The following CREBBP variants were observed in gnomAD, a reference collection of about 807,000 sequenced individuals.
The protein encoded by CREBBP is CREB binding lysine acetyltransferase, also known as CREB-binding protein.
Under a neutral mutation model 265.0 loss-of-function variants are expected in CREBBP, and 19 were observed. That is an observed-to-expected ratio of 0.07 (90% CI 0.05 to 0.11). CREBBP has a LOEUF of 0.11. CREBBP is among the 10% of genes least tolerant of loss of function. The pLI is 1.00. For missense variants in CREBBP, 2,525 were observed against 3,219.0 expected, an observed-to-expected ratio of 0.78 and a Z score of 5.22; for synonymous variants, 1,457 against 1,223.7, an observed-to-expected ratio of 1.19 and a Z score of -3.98.
chr16:3,855,046 C>G (rs188591394), intron 1 of CREBBP, among the ~76,000 whole-genome samples: 106 of 152,302 alleles, frequency 7.0e-4, no homozygotes, highest in African/African-American at 2.4e-3. Context: ...TGATACAATA[C>G]TGAATATACT....
chr16:3,773,644 G>T, intron 13 of CREBBP, 107 bp downstream of exon 13: 1 of 1,168,114 alleles, frequency 8.6e-7, no homozygotes, highest in Non-Finnish European at 1.2e-6. Flanking sequence ...CATGAAATGT[G>T]CATTCTGGAA....
At chr16:3,871,287 C>T (rs73503938) in intron 1 of CREBBP, among the ~76,000 whole-genome samples, 13,130 of 151,900 alleles carry the variant, frequency 0.086, 1,634 homozygotes, top group African/African-American at 0.28. Flanking sequence ...ACAGCGCTGC[C>T]GAGCTGGGAG....
At chr16:3,840,322 G>T (rs576323989) in intron 2 of CREBBP, among the ~76,000 whole-genome samples, 1 of 152,290 alleles carries the variant, frequency 6.6e-6, no homozygotes, top group African/African-American at 2.4e-5. Context: ...GGGCAGCCAA[G>T]ACGGCAGTCG....
At chr16:3,849,440 T>TGGG (rs1567360432) in intron 2 of CREBBP, among the ~76,000 whole-genome samples, 1 of 14,866 alleles carries the variant, frequency 6.7e-5, no homozygotes, top group Non-Finnish European at 3.6e-4. Context: ...TGTGTGTGTG[T>TGGG]GTGTGTGTGT....
Position 3,763,213 on chromosome 16 carries a change from G to A in CREBBP, c.3251-4241C>T, listed in dbSNP as rs944408546. Reference sequence around the variant, plus strand: ...ACGAGGTCTTCTGGAGTGCAGTAGCGTAATCACAGCCCACTGCATGCAAAC... The same window carrying A: ...ACGAGGTCTTCTGGAGTGCAGTAGCATAATCACAGCCCACTGCATGCAAAC... On this transcript the variant is annotated intron_variant, in intron 16 of 30. Coordinates refer to ENST00000262367, the MANE Select transcript of CREBBP (RefSeq NM_004380.3). Among the ~76,000 whole-genome samples the A allele has an allele frequency of 4.0e-5, 6 of 150,536 alleles. No individual in the cohort carries two copies. In the South Asian group the frequency reaches 8.4e-4, roughly 21 times the overall value.
At chr16:3,745,453 T>C in intron 21 of CREBBP, 99 bp from the exon 22 acceptor site, 1 of 1,053,608 alleles carries the variant, frequency 9.5e-7, no homozygotes, top group Non-Finnish European at 1.4e-6. Context: ...GTTCTCTGGG[T>C]TACTTTGAGT....
chr16:3,836,159 G>A (rs1285122961), intron 2 of CREBBP, among the ~76,000 whole-genome samples: 3 of 151,934 alleles, frequency 2.0e-5, no homozygotes, highest in African/African-American at 7.2e-5. Flanking sequence ...TTAGCAGCTG[G>A]GCGCGGTGGC....
chr16:3,736,546 A>T (rs866344231), intron 27 of CREBBP, 104 bp downstream of exon 27: 1 of 1,491,858 alleles, frequency 6.7e-7, no homozygotes, highest in Non-Finnish European at 9.3e-7. Context: ...TCTAATCCTC[A>T]TAAGTGAAGG....
intron 1 of CREBBP, among the ~76,000 whole-genome samples, chr16:3,853,961 AACAC>A (rs371504662): frequency 2.6e-4 from 38 of 145,226 alleles, no homozygotes; most frequent in African/African-American, 4.0e-4. Context: ...CAAACAAACA[AACAC>A]ACACACACAC....
At chr16:3,803,811 TG>T (rs985770267) in intron 3 of CREBBP, among the ~76,000 whole-genome samples, 81 of 152,008 alleles carry the variant, frequency 5.3e-4, no homozygotes, top group African/African-American at 1.8e-3. Flanking sequence ...CCGGGAGAGG[TG>T]GCTCACACCT....
intron 16 of CREBBP, 82 bp from the exon 17 acceptor site, chr16:3,759,054 C>A: frequency 9.1e-7 from 1 of 1,102,210 alleles, no homozygotes. Flanking sequence ...GGAATCCTGG[C>A]TGCTGTGACA....
chr16:3,848,107 T>C (rs534644233), intron 2 of CREBBP, among the ~76,000 whole-genome samples: 4 of 151,436 alleles, frequency 2.6e-5, no homozygotes, highest in Non-Finnish European at 4.4e-5. Flanking sequence ...GAGGCGGAGG[T>C]TGCAGTGAGC....
At position 3,836,441 on chromosome 16, in the gene CREBBP, AAAAAAAAAG is replaced by A. The variant is rs1367238098; in HGVS notation, c.798+13847_798+13855del. Among the ~76,000 whole-genome samples the A allele has an allele frequency of 1.5e-3, 229 of 151,534 alleles. No homozygotes were observed. In the Middle Eastern group the frequency reaches 0.041, roughly 27 times the overall value. ...AGAGCGAGACTGTGTCTCAAAAAAAAAAAAAAAAGAAAAAAAAGAAAAAAAAGAAATTAG... is the reference window on the plus strand; with the variant it reads ...AGAGCGAGACTGTGTCTCAAAAAAAAAAAAAAAAGAAAAAAAAGAAATTAG... On this transcript the variant is annotated intron_variant, in intron 2 of 30. Transcript: ENST00000262367.
rs2054760154 is a variant in CREBBP at position 3,849,438 on chromosome 16, T to TGTGTGTGTG, written c.798+850_798+858dup. 2.0e-3 allele frequency among the ~76,000 whole-genome samples: 25 copies of TGTGTGTGTG among 12,794 alleles called. 2 individuals are homozygous for TGTGTGTGTG. Among genetic ancestry groups the TGTGTGTGTG allele is most frequent in the Non-Finnish European group, 6.5e-3 (13 of 1,990 alleles). The allele number at this position is 12,794 out of a possible 152,430, so 8.4% of individuals were successfully genotyped here. A position where few individuals can be genotyped will look rare whatever the true frequency, so the allele number is the denominator to read the frequency against. ...GTGTGTGTGTGTGTGTGTGTGTGTG[T>TGTGTGTGTG]GTGTGTGTGTGTGTGTGTGTGTGTG... On this transcript the variant is annotated intron_variant, in intron 2 of 30. Coordinates refer to ENST00000262367, the MANE Select transcript of CREBBP (RefSeq NM_004380.3).
chr16:3,770,366 A>AT (rs35232128), intron 14 of CREBBP, among the ~76,000 whole-genome samples: 7 of 150,856 alleles, frequency 4.6e-5, no homozygotes, highest in East Asian at 3.9e-4. Flanking sequence ...GTTAAAAAAA[A>AT]TTTTTTTTTG....
chr16:3,745,201 G>C, intron 22 of CREBBP, 76 bp downstream of exon 22: 1 of 1,289,662 alleles, frequency 7.8e-7, no homozygotes, highest in Non-Finnish European at 1.1e-6. Flanking sequence ...CAATGAATGA[G>C]ATGCAGTAGC....
chr16:3,745,143 T>A, intron 22 of CREBBP, 134 bp downstream of exon 22: 1 of 995,490 alleles, frequency 1.0e-6, no homozygotes, highest in Non-Finnish European at 1.6e-6. Context: ...AGAACTTAAA[T>A]TTAGAACCAA....
chr16:3,845,108 A>C (rs2054639065), intron 2 of CREBBP, among the ~76,000 whole-genome samples: 1 of 152,234 alleles, frequency 6.6e-6, no homozygotes, highest in Non-Finnish European at 1.5e-5. Context: ...AATTTATCTA[A>C]CACAGTGGGG....
rs777456830 is a variant in CREBBP at position 3,850,713 on chromosome 16, A to G, written c.382T>C (p.Ser128Pro). The part of the protein sequence containing the change: ...MGKSPLSQGD[S>P]SAPSLPKQAA... ...TGTTTAGGCAGGCTGGGGGCTGAAGAATCTCCCTGGCTCAGAGGGCTCTTG... is the reference window on the plus strand; with the variant it reads ...TGTTTAGGCAGGCTGGGGGCTGAAGGATCTCCCTGGCTCAGAGGGCTCTTG... Residue 128 changes from serine (S) to proline (P), a missense_variant, in exon 2 of 31, where the codon TCT (serine) becomes CCT (proline). Transcript: ENST00000262367. 3.0e-5 allele frequency: 49 copies of G among 1,613,980 alleles called. No homozygotes were observed. The South Asian group carries it at 5.4e-4, about 18-fold the overall frequency.
Sources: gnomAD v4.1 joint callset for allele counts (sites outside exome capture counted in the v4.1 genomes callset) on GRCh38, gnomAD v4.1.1 for gene constraint, MANE v1.5 for transcripts, NCBI Gene and HGNC (gene_info 2026-07-23, HGNC 2026-07-21) for gene names.